Variants in WARS1 observed in about 807,000 individuals in gnomAD.
WARS1 encodes the protein tryptophanyl-tRNA synthetase 1.
In WARS1, 17 loss-of-function variants were observed where a neutral mutation model predicts 47.8. The ratio of observed to expected loss-of-function variants is 0.36; its 90% CI spans 0.24 to 0.53. WARS1 has a LOEUF of 0.53. Among genes scored for constraint, WARS1 ranks in the 20% least tolerant of loss-of-function variants. The pLI is 0.91. For synonymous variants in WARS1, 208 were observed against 228.1 expected (o/e 0.91, Z 0.79); for missense variants, 434 against 608.0 (o/e 0.71, Z 3.01).
intron 9 of WARS1, among the ~76,000 whole-genome samples, chr14:100,338,898 G>A (rs1422574079): frequency 6.7e-6 from 1 of 150,118 alleles, no homozygotes; most frequent in Non-Finnish European, 1.5e-5. Context: ...CCGGAGGTAA[G>A]GAGTTTGAGA....
In WARS1 at chr14:100,346,595, T is replaced by G. The variant is rs1416397130; in HGVS notation, c.826+151A>C. ...AGCTAGTCAGATTCCAGGACAACGA[T>G]GACCCACCCACGCCTGGGCATCCTA... is the stretch of plus-strand genomic sequence containing the variant. On this transcript the variant is annotated intron_variant, in intron 7 of 10. Transcript: ENST00000392882. The G allele has an allele frequency of 2.1e-5, 13 of 616,644 alleles. No homozygotes were observed. In the Admixed American group the frequency reaches 3.6e-4, roughly 17 times the overall value. 38.2% of individuals were successfully genotyped at this position (616,644 alleles called of 1,614,324 possible). A position where few individuals can be genotyped will look rare whatever the true frequency, so the allele number is the denominator to read the frequency against.
intron 6 of WARS1, among the ~76,000 whole-genome samples, chr14:100,347,626 G>C (rs1894712963): frequency 6.6e-6 from 1 of 152,178 alleles, no homozygotes; most frequent in Non-Finnish European, 1.5e-5. Context: ...GCCCAGGCTG[G>C]AGTGCAGTGG....
At chr14:100,339,126 C>CACACACAT (rs1893958986) in intron 9 of WARS1, among the ~76,000 whole-genome samples, 1 of 130,606 alleles carries the variant, frequency 7.7e-6, no homozygotes, top group Admixed American at 7.1e-5. Context: ...CACACACATA[C>CACACACAT]ACACACACAC....
At chr14:100,339,091 A>G (rs1173434609) in intron 9 of WARS1, among the ~76,000 whole-genome samples, 1 of 142,878 alleles carries the variant, frequency 7.0e-6, no homozygotes, top group Non-Finnish European at 1.5e-5. Context: ...GGGCAACAAG[A>G]GTGAAACTCC....
At chr14:100,370,777 A>G (rs944070196) in intron 1 of WARS1, among the ~76,000 whole-genome samples, 5 of 80,526 alleles carry the variant, frequency 6.2e-5, no homozygotes, top group Non-Finnish European at 1.2e-4. Context: ...ACTCTACAAA[A>G]AAATGAAAAA....
At chr14:100,356,530 A>G (rs1283159848) in intron 4 of WARS1, among the ~76,000 whole-genome samples, 1 of 152,190 alleles carries the variant, frequency 6.6e-6, no homozygotes, top group Non-Finnish European at 1.5e-5. Context: ...ACTGTATACC[A>G]ATACATTAGA....
At chr14:100,376,173 C>G (rs1896648373), upstream of WARS1, 2 of 223,934 alleles carry the variant, frequency 8.9e-6, no homozygotes, top group Non-Finnish European at 1.7e-5. Flanking sequence ...CCCGGGAGGG[C>G]CAGGCCACTG....
chr14:100,343,540 A>G (rs1034132750), intron 7 of WARS1, among the ~76,000 whole-genome samples, 153 bp from the exon 8 acceptor site: 31 of 152,192 alleles, frequency 2.0e-4, no homozygotes, highest in African/African-American at 7.2e-4. Flanking sequence ...CAAGCTGTAC[A>G]GTTGCAATGT....
intron 9 of WARS1, among the ~76,000 whole-genome samples, chr14:100,339,622 T>C (rs544881235): frequency 6.9e-6 from 1 of 144,014 alleles, no homozygotes; most frequent in East Asian, 2.0e-4. Flanking sequence ...AAAAAAAAAG[T>C]TATAGAATGA....
At chr14:100,362,461 G>A (rs765970258) in intron 2 of WARS1, among the ~76,000 whole-genome samples, 8 of 151,838 alleles carry the variant, frequency 5.3e-5, no homozygotes, top group Admixed American at 1.3e-4. Context: ...AGGCTCTCAG[G>A]TTATAAATTA....
At chr14:100,339,697 GCA>G (rs1894031286) in intron 9 of WARS1, 1 of 151,964 alleles carries the variant, frequency 6.6e-6, no homozygotes, top group Non-Finnish European at 1.5e-5. Flanking sequence ...GTGTCTCCTA[GCA>G]TCTAAGTGCC....
intron 9 of WARS1, among the ~76,000 whole-genome samples, chr14:100,338,407 AG>A (rs1388227931): frequency 6.6e-6 from 1 of 152,036 alleles, no homozygotes. Context: ...CTAGGAGTAT[AG>A]GTGTGTGCCA....
rs1349139031 is a variant in WARS1, at chr14:100,339,553, T to G, written c.1114-2351A>C. Among the ~76,000 whole-genome samples the G allele has an allele frequency of 1.6e-4, 19 of 121,994 alleles. No individual in the cohort carries two copies. The Admixed American group carries it at 1.8e-3, about 12-fold the overall frequency. 80.0% of individuals were successfully genotyped at this position (121,994 alleles called of 152,430 possible). Reference sequence around the variant, plus strand: ...TTGCAGTGAGCCGAGATTGTGCCACTGCACTCCAGCCTGGGCGACAGAGTG... The same window carrying G: ...TTGCAGTGAGCCGAGATTGTGCCACGGCACTCCAGCCTGGGCGACAGAGTG... On this transcript the variant is annotated intron_variant, in intron 9 of 10. Coordinates refer to ENST00000392882, the MANE Select transcript of WARS1 (RefSeq NM_004184.4).
In WARS1 at chr14:100,346,596, GA is replaced by G. The variant is rs1311734731; in HGVS notation, c.826+149del. The G allele has an allele frequency of 1.9e-5, 12 of 617,094 alleles. No individual in the cohort carries two copies. In the African/African-American group the frequency reaches 2.2e-4, roughly 11 times the overall value. The allele number at this position is 617,094 out of a possible 1,614,324, so 38.2% of individuals were successfully genotyped here. A position where few individuals can be genotyped will look rare whatever the true frequency, so the allele number is the denominator to read the frequency against. On this transcript the variant is annotated intron_variant, in intron 7 of 10. Transcript: ENST00000392882. ...GCTAGTCAGATTCCAGGACAACGAT[GA>G]CCCACCCACGCCTGGGCATCCTACT...
intron 6 of WARS1, among the ~76,000 whole-genome samples, chr14:100,348,229 G>A (rs149463527): frequency 6.6e-6 from 1 of 152,174 alleles, no homozygotes; most frequent in Non-Finnish European, 1.5e-5. Flanking sequence ...TAGACTTTTG[G>A]GGCAGGGTGG....
chr14:100,371,777 G>A (rs1341101264), intron 1 of WARS1, among the ~76,000 whole-genome samples: 1 of 152,078 alleles, frequency 6.6e-6, no homozygotes, highest in Non-Finnish European at 1.5e-5. Context: ...CACGGGTGCT[G>A]TGAGCGGTGG....
At position 100,361,859 on chromosome 14, in the gene WARS1, C is replaced by T. The variant is rs149405219; in HGVS notation, c.162G>A (p.Ala54=). 3,785 of 1,614,178 alleles carry T rather than the reference C, an allele frequency of 2.3e-3. 6 individuals carry two copies. Among genetic ancestry groups the T allele is most frequent in the Non-Finnish European group, 2.8e-3 (3,299 of 1,180,038 alleles). ...GACAGTCAGCCTTGTAATCCTCCCC[C>T]GCGGCAGCTTTGTAGCTCATTTTTA... ...VSLKMSYKAA[A]GEDYKADCPP... is the part of the protein sequence containing the mutation. Residue 54 remains alanine, a synonymous_variant, in exon 3 of 11, where the codon GCG becomes GCA. Coordinates refer to ENST00000392882, the MANE Select transcript of WARS1 (RefSeq NM_004184.4).
At chr14:100,347,202 G>A (rs2139963443) in intron 6 of WARS1, among the ~76,000 whole-genome samples, 1 of 152,370 alleles carries the variant, frequency 6.6e-6, no homozygotes, top group East Asian at 1.9e-4. Context: ...GTGGGCTGTG[G>A]AGCTCAAGTC....
chr14:100,372,602 T>C (rs1311804137), intron 1 of WARS1, among the ~76,000 whole-genome samples: 1 of 152,164 alleles, frequency 6.6e-6, no homozygotes, highest in African/African-American at 2.4e-5. Flanking sequence ...AGCAAATCAG[T>C]CGAAATCCAT....
Sources: allele counts gnomAD v4.1 joint callset (sites outside exome capture counted in the v4.1 genomes callset), GRCh38; gene constraint gnomAD v4.1.1; transcripts MANE v1.5; gene names NCBI Gene and HGNC (gene_info 2026-07-23, HGNC 2026-07-21).